The following SYTL5 variants were observed in gnomAD, a reference collection of about 807,000 sequenced individuals.
The protein encoded by SYTL5 is synaptotagmin-like protein 5.
A neutral mutation model predicts 55.9 loss-of-function variants in SYTL5; 34 were observed. The observed-to-expected ratio is 0.61, with a 90% confidence interval of 0.46 to 0.81. The LOEUF is 0.81. SYTL5 is among the 30% of genes least tolerant of loss of function. The pLI is 0.00. For synonymous variants in SYTL5, 221 were observed against 188.7 expected (o/e 1.17, Z -1.40); for missense variants, 637 against 546.7 (o/e 1.17, Z -1.65).
chrX:37,991,122 C>T, the SYTL5 span: 1 of 1,211,383 alleles, frequency 8.3e-7, no homozygotes. Flanking sequence ...CAACCGTGAG[C>T]CCCACAGCGC....
chrX:37,904,297 G>T, the SYTL5 span, among the ~76,000 whole-genome samples: 19 of 106,792 alleles, frequency 1.8e-4, no homozygotes, highest in South Asian at 7.7e-3. Context: ...TGCAAGGTAG[G>T]GTTCGAGGAA....
Position 38,054,309 on chromosome X carries a change from C to T in SYTL5, c.216C>T (p.Gly72=). ...RVCVHCHRNL[G]LIFDRGDPCQ... ...GTGTTCACTGTCACAGAAACCTGGG[C>T]CTAATCTTTGACCGGGGAGACCCTT... The change falls in exon 3 of 17, where the codon GGC becomes GGT. Residue 72 remains glycine (G), a synonymous_variant. Coordinates refer to ENST00000297875, the MANE Select transcript of SYTL5 (RefSeq NM_138780.3). The T allele has an allele frequency of 8.3e-7, 1 of 1,210,733 alleles. No individual in the cohort carries two copies. Among genetic ancestry groups the T allele is most frequent in the Non-Finnish European group, 1.1e-6 (1 of 895,056 alleles).
chrX:38,089,379 A>T lies in SYTL5; in HGVS notation c.690-67A>T, dbSNP rs140643939. The T allele has an allele frequency of 3.1e-3, 3,420 of 1,113,429 alleles. 82 individuals are homozygous for T. The African/African-American group carries it at 0.055, about 18-fold the overall frequency. The allele number at this position is 1,113,429 out of a possible 1,213,427, so 91.8% of individuals were successfully genotyped here. A position where few individuals can be genotyped will look rare whatever the true frequency, so the allele number is the denominator to read the frequency against. On this transcript the variant is annotated intron_variant, in intron 6 of 16. Coordinates refer to ENST00000297875, the MANE Select transcript of SYTL5 (RefSeq NM_138780.3). ...TCTTATCAGTTTCCTCATCAGCTTTACTCTGCCTGTGTATTTGGTTGCTGC... is the reference window on the plus strand; with the variant it reads ...TCTTATCAGTTTCCTCATCAGCTTTTCTCTGCCTGTGTATTTGGTTGCTGC...
chrX:38,051,260 A>C (rs1935616247), intron 2 of SYTL5, among the ~76,000 whole-genome samples: 1 of 111,833 alleles, frequency 8.9e-6, no homozygotes, highest in African/African-American at 3.3e-5. Context: ...AAGAGGTATA[A>C]ATTTCATTAA....
chrX:37,919,494 C>T, the SYTL5 span, among the ~76,000 whole-genome samples: 5 of 111,618 alleles, frequency 4.5e-5, no homozygotes, highest in African/African-American at 1.6e-4. Context: ...TCCCTTTGAT[C>T]TAAGTATCCT....
At chrX:38,039,730 T>C (rs1159588520) in intron 2 of SYTL5, among the ~76,000 whole-genome samples, 1 of 112,075 alleles carries the variant, frequency 8.9e-6, no homozygotes, top group Non-Finnish European at 1.9e-5. Flanking sequence ...CTTTGGCACC[T>C]AATCTTGGGC....
the SYTL5 span, among the ~76,000 whole-genome samples, chrX:37,974,082 A>G: frequency 1.8e-5 from 2 of 111,768 alleles, no homozygotes; most frequent in Non-Finnish European, 3.8e-5. Context: ...GCCAAATGGT[A>G]CAAAGTTGCA....
In SYTL5 at chrX:38,102,422, T is replaced by C. The variant is rs1446446287; in HGVS notation, c.1143T>C (p.Ser381=). ...QLSTNTHRLA[S]GLSTTSLNSM... is the part of the protein sequence containing the mutation. ...CTACAAACACTCACCGTCTGGCAAGTGGCCTATCAACTGTAAGCAGTTCAC... is the reference window on the plus strand; with the variant it reads ...CTACAAACACTCACCGTCTGGCAAGCGGCCTATCAACTGTAAGCAGTTCAC... Residue 381 remains serine (S), a synonymous_variant, in exon 10 of 17, where the codon AGT becomes AGC. Coordinates refer to ENST00000297875, the MANE Select transcript of SYTL5 (RefSeq NM_138780.3). 1 of 1,200,472 alleles carries C rather than the reference T, an allele frequency of 8.3e-7. No individual in the cohort carries two copies. The highest frequency in any genetic ancestry group is 3.0e-5 in the East Asian group (1 of 33,798).
the SYTL5 span, among the ~76,000 whole-genome samples, chrX:37,989,818 C>A: frequency 4.5e-5 from 5 of 111,105 alleles, no homozygotes; most frequent in African/African-American, 1.6e-4. Context: ...GCACAAGATG[C>A]ACTTCTCTAT....
the SYTL5 span, among the ~76,000 whole-genome samples, chrX:37,894,587 G>T: frequency 2.7e-5 from 3 of 111,768 alleles, no homozygotes; most frequent in South Asian, 1.1e-3. Context: ...TTCCCAGACA[G>T]GTCTTCTGAT....
chrX:38,122,118 C>T lies in SYTL5; in HGVS notation c.1744C>T (p.Pro582Ser). The T allele has an allele frequency of 1.7e-6, 2 of 1,202,423 alleles. No homozygotes were observed. Among genetic ancestry groups the T allele is most frequent in the Non-Finnish European group, 2.2e-6 (2 of 889,873 alleles). ...TAAAAAGGGAAAGAAGAAGGAGTCACCTGTAATCTCTGGAGGAATACTAGA... is the reference window on the plus strand; with the variant it reads ...TAAAAAGGGAAAGAAGAAGGAGTCATCTGTAATCTCTGGAGGAATACTAGA... ...TFKKGKKKES[P>S]VISGGILEVF... Residue 582 changes from proline to serine, a missense_variant, in exon 15 of 17, where the codon CCT (proline) becomes TCT (serine). Physicochemically the swap from Pro to Ser is moderately conservative, Grantham distance 74. Transcript: ENST00000297875.
chrX:37,970,122 C>G, the SYTL5 span, among the ~76,000 whole-genome samples: 1 of 111,027 alleles, frequency 9.0e-6, no homozygotes, highest in Non-Finnish European at 1.9e-5. Flanking sequence ...TATTAAAGAC[C>G]CATCTCTAGA....
At chrX:37,947,165 T>C in the SYTL5 span, among the ~76,000 whole-genome samples, 95 of 111,462 alleles carry the variant, frequency 8.5e-4, 4 homozygotes, top group South Asian at 0.033. Flanking sequence ...CTCACCCTTT[T>C]CTTGATAATC....
At chrX:38,072,202 C>A in intron 4 of SYTL5, 40 bp downstream of exon 4, 2 of 1,014,174 alleles carry the variant, frequency 2.0e-6, no homozygotes, top group Non-Finnish European at 2.8e-6. Context: ...CTGTTTTCAT[C>A]TCCATTTGGC....
At position 38,116,618 on chromosome X, in the gene SYTL5, T is replaced by C. The variant is rs184932590; in HGVS notation, c.1597-3740T>C. On this transcript the variant is annotated intron_variant, in intron 13 of 16. Transcript: ENST00000297875. ...ATGATTTTTTCTAACCTTTGATAGA[T>C]TCAAGCCCACATATAATCCAATAGC... Among the ~76,000 whole-genome samples the C allele has an allele frequency of 6.1e-3, 688 of 112,985 alleles. 13 individuals are homozygous for C. The highest frequency in any genetic ancestry group is 0.021 in the African/African-American group (653 of 31,145).
intron 1 of SYTL5, among the ~76,000 whole-genome samples, chrX:38,017,939 A>G (rs1233249489): frequency 1.8e-5 from 2 of 109,602 alleles, no homozygotes; most frequent in African/African-American, 6.6e-5. Context: ...GATTACCCTT[A>G]TCTTGTCTCC....
At chrX:38,064,273 A>G (rs1936036546) in intron 3 of SYTL5, among the ~76,000 whole-genome samples, 1 of 111,752 alleles carries the variant, frequency 8.9e-6, no homozygotes, top group Non-Finnish European at 1.9e-5. Context: ...TCTTTTTTAT[A>G]GTGGTTGTAA....
At position 38,125,407 on chromosome X, in the gene SYTL5, C is replaced by T; in HGVS notation, c.1951C>T (p.Gln651Ter). 1 of 1,210,263 alleles carries T rather than the reference C, an allele frequency of 8.3e-7. No homozygotes were observed. The highest frequency in any genetic ancestry group is 1.1e-6 in the Non-Finnish European group (1 of 894,135). ...HTFMFSGIHP[Q>*]DIKNVCLELT... is the part of the protein sequence containing the mutation. ...ATTCATGTTCAGTGGCATCCATCCC[C>T]AGGATATAAAGAATGTTTGCCTAGA... The change falls in exon 16 of 17, where the codon CAG (glutamine) becomes TAG (stop). Residue 651 changes from glutamine (Q) to a stop codon, truncating the protein, a stop_gained. Coordinates refer to ENST00000297875, the MANE Select transcript of SYTL5 (RefSeq NM_138780.3). LOFTEE classifies it high-confidence loss of function.
the SYTL5 span, among the ~76,000 whole-genome samples, chrX:37,927,603 G>A: frequency 8.2e-5 from 9 of 109,328 alleles, no homozygotes; most frequent in African/African-American, 2.3e-4. Flanking sequence ...GTGAAGCCTC[G>A]TCTCTACTGA....
Sources: allele counts gnomAD v4.1 joint callset (sites outside exome capture counted in the v4.1 genomes callset), GRCh38; gene constraint gnomAD v4.1.1; transcripts MANE v1.5; gene names NCBI Gene and HGNC (gene_info 2026-07-23, HGNC 2026-07-21).